The following KCNH1 variants were observed in gnomAD, a reference collection of about 807,000 sequenced individuals.
The protein encoded by KCNH1 is voltage-gated delayed rectifier potassium channel KCNH1.
A neutral mutation model predicts 69.2 loss-of-function variants in KCNH1; 27 were observed. The ratio of observed to expected loss-of-function variants is 0.39; its 90% CI spans 0.29 to 0.54. The LOEUF (loss-of-function observed/expected upper bound fraction) is 0.54, where lower values mean the gene tolerates loss of function less well. KCNH1 is among the 20% of genes least tolerant of loss of function. The pLI, the probability that KCNH1 is intolerant of heterozygous loss-of-function variation, is 0.68. For synonymous variants in KCNH1, 456 were observed against 487.7 expected, an observed-to-expected ratio of 0.93 and a Z score of 0.86; for missense variants, 798 against 1,261.6, an observed-to-expected ratio of 0.63 and a Z score of 5.57.
At chr1:210,729,406 C>T (rs114134770) in intron 10 of KCNH1, among the ~76,000 whole-genome samples, 26 of 152,302 alleles carry the variant, frequency 1.7e-4, no homozygotes, top group East Asian at 3.9e-4. Context: ...TCAATACTTA[C>T]GGCAATAATG....
chr1:211,095,772 T>C lies in KCNH1; in HGVS notation c.311-5082A>G, dbSNP rs926824771. 2.0e-5 allele frequency among the ~76,000 whole-genome samples: 3 copies of C among 152,074 alleles called. No homozygotes were observed. In the East Asian group the frequency reaches 5.8e-4, roughly 29 times the overall value. ...TAGCCTACCCCAGGAAACAGAACAA[T>C]TGGTCTGGGGTCAACTTTATGGAGA... On this transcript the variant is annotated intron_variant, in intron 3 of 10. Transcript: ENST00000271751.
chr1:210,962,949 G>C (rs1288885890), intron 6 of KCNH1, among the ~76,000 whole-genome samples: 1 of 150,912 alleles, frequency 6.6e-6, no homozygotes, highest in African/African-American at 2.4e-5. Flanking sequence ...GTAGTCATTT[G>C]TGCTTCCTCT....
At chr1:210,748,999 C>T (rs768129776) in intron 10 of KCNH1, among the ~76,000 whole-genome samples, 12 of 152,184 alleles carry the variant, frequency 7.9e-5, no homozygotes, top group African/African-American at 1.4e-4. Context: ...GGCTCTGCTC[C>T]GGCTTCCTCC....
intron 6 of KCNH1, among the ~76,000 whole-genome samples, chr1:210,997,105 C>T (rs1404216832): frequency 6.6e-6 from 1 of 152,160 alleles, no homozygotes; most frequent in Non-Finnish European, 1.5e-5. Context: ...AGCAGAGTGC[C>T]TCTCCTCCTC....
rs752759894 is a variant in KCNH1 at position 211,103,548 on chromosome 1, T to C, written c.258A>G (p.Thr86=). Residue 86 remains threonine, a synonymous_variant, in exon 3 of 11, where the codon ACA becomes ACG. Coordinates refer to ENST00000271751, the MANE Select transcript of KCNH1 (RefSeq NM_172362.3). ...DKDTIEKVRQ[T]FENYEMNSFE... The stretch of plus-strand genomic sequence containing the variant: ...AGGAATTCATCTCATAGTTCTCAAA[T>C]GTTTGCCGCACTTTTTCAATCGTGT... The C allele has an allele frequency of 2.5e-6, 4 of 1,613,590 alleles. No homozygotes were observed. The East Asian group carries it at 6.7e-5, about 27-fold the overall frequency.
At chr1:210,762,809 T>A (rs1191471140) in intron 10 of KCNH1, among the ~76,000 whole-genome samples, 1 of 151,980 alleles carries the variant, frequency 6.6e-6, no homozygotes, top group African/African-American at 2.4e-5. Context: ...GAAAAGCTGG[T>A]TCCAATCCTA....
At chr1:210,728,850 T>A (rs749259596) in intron 10 of KCNH1, among the ~76,000 whole-genome samples, 6 of 152,248 alleles carry the variant, frequency 3.9e-5, no homozygotes, top group Non-Finnish European at 7.3e-5. Context: ...GGGAACCAGC[T>A]GTGCTGGGCA....
At chr1:210,744,837 G>A (rs1377643383) in intron 10 of KCNH1, among the ~76,000 whole-genome samples, 1 of 152,092 alleles carries the variant, frequency 6.6e-6, no homozygotes, top group Admixed American at 6.5e-5. Flanking sequence ...AGCGCCGTTA[G>A]TTACCGGGGA....
intron 7 of KCNH1, among the ~76,000 whole-genome samples, chr1:210,873,673 C>A (rs1005724086): frequency 3.9e-5 from 6 of 151,946 alleles, no homozygotes; most frequent in African/African-American, 1.5e-4. Context: ...CCCTAGGGTT[C>A]CCATCTTATG....
At chr1:210,860,157 CAG>C (rs1685945647) in intron 7 of KCNH1, 2 of 1,163,182 alleles carry the variant, frequency 1.7e-6, no homozygotes, top group African/African-American at 3.0e-5. Context: ...TGGTATCAGA[CAG>C]AAGTGTCTTG....
intron 4 of KCNH1, among the ~76,000 whole-genome samples, chr1:211,085,349 T>G (rs1436824756): frequency 1.3e-5 from 2 of 151,918 alleles, no homozygotes; most frequent in Non-Finnish European, 2.9e-5. Context: ...ACCTAGAAGG[T>G]AAGTTAAGAA....
At chr1:210,721,798 TAAAA>T (rs1449344674) in intron 10 of KCNH1, among the ~76,000 whole-genome samples, 1 of 135,336 alleles carries the variant, frequency 7.4e-6, no homozygotes, top group African/African-American at 3.2e-5. Flanking sequence ...TAAAGTATAA[TAAAA>T]ATAAATAAAT....
intron 6 of KCNH1, among the ~76,000 whole-genome samples, chr1:210,970,146 G>GT (rs200635420): frequency 0.012 from 1,797 of 151,796 alleles, 26 homozygotes; most frequent in Admixed American, 0.018. Context: ...TGTGCAGAAT[G>GT]TGCAGGTTTG....
chr1:210,919,515 G>T lies in KCNH1; in HGVS notation c.1462+125C>A. On this transcript the variant is annotated intron_variant, in intron 7 of 10. Transcript: ENST00000271751. The surrounding 1 kb of genome is among the most constrained non-coding windows in gnomAD (Gnocchi z 4.2). Reference sequence around the variant, plus strand: ...AATTATCAGGGTAACTGTAAGCCTAGTCTTAAAAAAACTCTTCCTTGTTTT... The same window carrying T: ...AATTATCAGGGTAACTGTAAGCCTATTCTTAAAAAAACTCTTCCTTGTTTT... The T allele has an allele frequency of 2.1e-6, 2 of 938,406 alleles. No individual in the cohort carries two copies. The highest frequency in any genetic ancestry group is 1.6e-6 in the Non-Finnish European group (1 of 613,824). 58.1% of individuals were successfully genotyped at this position (938,406 alleles called of 1,614,324 possible). A position where few individuals can be genotyped will look rare whatever the true frequency, so the allele number is the denominator to read the frequency against.
intron 3 of KCNH1, among the ~76,000 whole-genome samples, chr1:211,093,047 C>T (rs1441755828): frequency 6.6e-6 from 1 of 151,922 alleles, no homozygotes; most frequent in African/African-American, 2.4e-5. Context: ...TGACAGGAAC[C>T]CACTCATGAT....
chr1:211,100,509 AC>A (rs1194355015), intron 3 of KCNH1, among the ~76,000 whole-genome samples: 1 of 151,878 alleles, frequency 6.6e-6, no homozygotes, highest in Non-Finnish European at 1.5e-5. Context: ...CCGCCACCAC[AC>A]CCAGCTAATT....
intron 7 of KCNH1, among the ~76,000 whole-genome samples, chr1:210,825,424 G>A (rs1269861160): frequency 6.6e-6 from 1 of 152,188 alleles, no homozygotes; most frequent in Non-Finnish European, 1.5e-5. Flanking sequence ...GTACATGGCA[G>A]TGAAGAATAC....
chr1:211,064,377 G>A (rs879504613), intron 5 of KCNH1, among the ~76,000 whole-genome samples: 11 of 152,104 alleles, frequency 7.2e-5, no homozygotes, highest in Admixed American at 4.6e-4. Flanking sequence ...TGGCTAATAC[G>A]GTGAAACCCC....
At chr1:211,046,683 T>A (rs1161007245) in intron 5 of KCNH1, among the ~76,000 whole-genome samples, 1 of 152,204 alleles carries the variant, frequency 6.6e-6, no homozygotes, top group Non-Finnish European at 1.5e-5. Context: ...TAAACCCCTC[T>A]GCTCTCATGC....
Sources: allele counts gnomAD v4.1 joint callset (sites outside exome capture counted in the v4.1 genomes callset), GRCh38; gene constraint gnomAD v4.1.1; non-coding constraint Gnocchi (gnomAD v3.1); transcripts MANE v1.5; gene names NCBI Gene and HGNC (gene_info 2026-07-23, HGNC 2026-07-21).